The following PTPRD variants were observed in gnomAD, a reference collection of about 807,000 sequenced individuals.
PTPRD encodes the protein receptor-type tyrosine-protein phosphatase delta.
A neutral mutation model predicts 214.5 loss-of-function variants in PTPRD; 34 were observed. That is an observed-to-expected ratio of 0.16 (90% CI 0.12 to 0.21). The LOEUF is 0.21. Among genes scored for constraint, PTPRD ranks in the 10% least tolerant of loss-of-function variants. The pLI is 1.00. For missense variants in PTPRD, 2,545 were observed against 2,398.7 expected, an observed-to-expected ratio of 1.06 and a Z score of -1.27; for synonymous variants, 1,128 against 845.7, an observed-to-expected ratio of 1.33 and a Z score of -5.79.
At chr9:9,755,422 G>A (rs577082441) in intron 6 of PTPRD, among the ~76,000 whole-genome samples, 1 of 152,190 alleles carries the variant, frequency 6.6e-6, no homozygotes, top group African/African-American at 2.4e-5. Flanking sequence ...TTTAAGGGTA[G>A]ATTGTATTTT....
At chr9:10,480,996 A>G (rs988985637) in intron 2 of PTPRD, among the ~76,000 whole-genome samples, 1 of 151,946 alleles carries the variant, frequency 6.6e-6, no homozygotes, top group Non-Finnish European at 1.5e-5. Context: ...CGAGTCAATA[A>G]TAACATGCAA....
chr9:9,452,562 T>C (rs1473619252), intron 8 of PTPRD, among the ~76,000 whole-genome samples: 2 of 151,268 alleles, frequency 1.3e-5, no homozygotes, highest in African/African-American at 4.8e-5. Context: ...TGGCTTAACT[T>C]ATGAGAAAGA....
intron 12 of PTPRD, among the ~76,000 whole-genome samples, chr9:8,654,170 C>A (rs1180933569): frequency 6.6e-6 from 1 of 152,174 alleles, no homozygotes; most frequent in East Asian, 1.9e-4. Context: ...AGTTTTAGCA[C>A]CAAAACTACT....
intron 5 of PTPRD, among the ~76,000 whole-genome samples, chr9:9,792,347 G>C (rs996582765): frequency 6.6e-6 from 1 of 152,100 alleles, no homozygotes; most frequent in East Asian, 1.9e-4. Flanking sequence ...CAGGCCAAGG[G>C]CCACAAAGGA....
chr9:9,206,795 A>G (rs1197061858), intron 9 of PTPRD, among the ~76,000 whole-genome samples: 1 of 152,142 alleles, frequency 6.6e-6, no homozygotes, highest in Non-Finnish European at 1.5e-5. Flanking sequence ...CCACAGACTG[A>G]AGGCTGCACT....
chr9:9,771,367 T>G (rs2098750455), intron 5 of PTPRD, among the ~76,000 whole-genome samples: 1 of 152,218 alleles, frequency 6.6e-6, no homozygotes, highest in East Asian at 1.9e-4. Flanking sequence ...ATTCATATTC[T>G]GAAGTACATA....
intron 4 of PTPRD, among the ~76,000 whole-genome samples, chr9:9,978,606 C>A (rs565757297): frequency 6.6e-6 from 1 of 151,822 alleles, no homozygotes; most frequent in Admixed American, 6.6e-5. Flanking sequence ...CCTTCAGTCC[C>A]GCAGAAAGAA....
intron 2 of PTPRD, among the ~76,000 whole-genome samples, chr9:10,533,184 G>A (rs2134818842): frequency 6.6e-6 from 1 of 152,142 alleles, no homozygotes; most frequent in African/African-American, 2.4e-5. Flanking sequence ...AGGAGTGGAA[G>A]CAGCCTGAGG....
chr9:9,582,430 G>A (rs2091035480), intron 7 of PTPRD, among the ~76,000 whole-genome samples: 1 of 152,118 alleles, frequency 6.6e-6, no homozygotes, highest in Admixed American at 6.6e-5. Context: ...CTCCCAAGTA[G>A]AGCAATTAAA....
intron 2 of PTPRD, among the ~76,000 whole-genome samples, chr9:10,565,374 A>C (rs1324846989): frequency 1.3e-5 from 2 of 152,076 alleles, no homozygotes; most frequent in Non-Finnish European, 2.9e-5. Context: ...TTTAAGATTT[A>C]TCTGTATAAT....
At chr9:8,357,683 C>T (rs1016697183) in intron 39 of PTPRD, among the ~76,000 whole-genome samples, 3 of 152,068 alleles carry the variant, frequency 2.0e-5, no homozygotes, top group African/African-American at 7.2e-5. Context: ...CATCCCTTTT[C>T]GGGGCCAATA....
chr9:9,896,971 T>C (rs10491914), intron 5 of PTPRD, among the ~76,000 whole-genome samples: 89,900 of 151,896 alleles, frequency 0.59, 29,325 homozygotes, highest in Admixed American at 0.72. Context: ...TCTCAAATAA[T>C]CTCTGGACTT....
intron 8 of PTPRD, among the ~76,000 whole-genome samples, chr9:9,467,942 G>C (rs1209911595): frequency 6.6e-6 from 1 of 152,038 alleles, no homozygotes; most frequent in Admixed American, 6.6e-5. Flanking sequence ...CATAAGACAG[G>C]TTAGCCTACA....
At chr9:9,209,110 C>G (rs1315785915) in intron 9 of PTPRD, among the ~76,000 whole-genome samples, 1 of 151,992 alleles carries the variant, frequency 6.6e-6, no homozygotes. Context: ...GACCGGCTGA[C>G]AATATAACTC....
intron 10 of PTPRD, among the ~76,000 whole-genome samples, chr9:9,071,709 G>A (rs190794151): frequency 1.5e-4 from 23 of 152,200 alleles, no homozygotes; most frequent in Admixed American, 5.9e-4. Flanking sequence ...AATGCAACCC[G>A]GCTGATAATA....
chr9:9,625,447 T>C (rs891208678), intron 7 of PTPRD, among the ~76,000 whole-genome samples: 1 of 152,142 alleles, frequency 6.6e-6, no homozygotes, highest in East Asian at 1.9e-4. Flanking sequence ...GGAGCTTCTG[T>C]CAGTTCTTAA....
chr9:9,283,326 A>T (rs906877684), intron 9 of PTPRD, among the ~76,000 whole-genome samples: 1 of 151,472 alleles, frequency 6.6e-6, no homozygotes, highest in Non-Finnish European at 1.5e-5. Context: ...ATTCAGAATT[A>T]ATTACCATAA....
chr9:8,435,636 C>A (rs2095312817), intron 35 of PTPRD, among the ~76,000 whole-genome samples: 1 of 151,896 alleles, frequency 6.6e-6, no homozygotes, highest in African/African-American at 2.4e-5. Context: ...GTCCTTGTTG[C>A]TGGAGAATAC....
intron 9 of PTPRD, among the ~76,000 whole-genome samples, chr9:9,367,829 CA>C (rs1270780576): frequency 6.6e-6 from 1 of 151,636 alleles, no homozygotes; most frequent in Non-Finnish European, 1.5e-5. Context: ...GACATTTGTA[CA>C]ATCTCACAGT....
Sources: gnomAD v4.1 joint callset for allele counts (sites outside exome capture counted in the v4.1 genomes callset) on GRCh38, gnomAD v4.1.1 for gene constraint, MANE v1.5 for transcripts, NCBI Gene and HGNC (gene_info 2026-07-23, HGNC 2026-07-21) for gene names.